The following SKAP2 variants were observed in gnomAD, a reference collection of about 807,000 sequenced individuals.
The protein encoded by SKAP2 is src kinase associated phosphoprotein 2.
Under a neutral mutation model 54.9 loss-of-function variants are expected in SKAP2, and 28 were observed. That is an observed-to-expected ratio of 0.51 (90% confidence interval 0.38 to 0.70). The LOEUF is 0.70. SKAP2 is among the 30% of genes least tolerant of loss of function. The pLI, the probability that SKAP2 is intolerant of heterozygous loss-of-function variation, is 0.00. For missense variants in SKAP2, 356 were observed against 424.1 expected (o/e 0.84, Z 1.41); for synonymous variants, 137 against 134.3 (o/e 1.02, Z -0.14).
intron 4 of SKAP2, among the ~76,000 whole-genome samples, chr7:26,805,684 G>C (rs563488708): frequency 6.6e-6 from 1 of 152,066 alleles, no homozygotes; most frequent in Non-Finnish European, 1.5e-5. Context: ...TCAAACTTTC[G>C]GATCACTGCA....
chr7:26,749,202 T>G (rs1416335217), intron 4 of SKAP2, among the ~76,000 whole-genome samples: 1 of 152,168 alleles, frequency 6.6e-6, no homozygotes, highest in Non-Finnish European at 1.5e-5. Context: ...TTACAGATAT[T>G]TGGCCAAAAA....
Position 26,725,466 on chromosome 7 carries a change from C to T in SKAP2, c.758G>A (p.Ser253Asn), listed in dbSNP as rs17154402. Residue 253 changes from serine to asparagine, a missense_variant, in exon 9 of 13, where the codon AGT becomes AAT. Physicochemically the swap from Ser to Asn is conservative, Grantham distance 46. Transcript: ENST00000345317. ...PLPISNPLTS[S>N]QPIDDEIYEE... ...ATAAATTTCATCATCTATTGGTTGA[C>T]TGCTTGTTAGTGGATTGCTTATTGG... 6.2e-7 allele frequency: 1 copy of T among 1,611,772 alleles called. No individual in the cohort carries two copies. The highest frequency in any genetic ancestry group is 2.2e-5 in the East Asian group (1 of 44,824).
rs201466806 is a variant in SKAP2, at chr7:26,681,444, AAAAC to A, written c.987+3288_987+3291del. Among the ~76,000 whole-genome samples, 829 of 152,364 alleles carry A rather than the reference AAAAC, an allele frequency of 5.4e-3. 12 individuals carry two copies. The highest frequency in any genetic ancestry group is 0.018 in the African/African-American group (755 of 41,586). Reference sequence around the variant, plus strand: ...GGGCAACAGAGTGAGACTCCATCTCAAAACAAACAAACAAACAAAAAACAAAATT... The same window carrying A: ...GGGCAACAGAGTGAGACTCCATCTCAAAACAAACAAACAAAAAACAAAATT... On this transcript the variant is annotated intron_variant, in intron 11 of 12. Coordinates refer to ENST00000345317, the MANE Select transcript of SKAP2 (RefSeq NM_003930.5).
rs1783372691 is a variant in SKAP2, at chr7:26,779,103, T to C, written c.308-39139A>G. On this transcript the variant is annotated intron_variant, in intron 4 of 12. Transcript: ENST00000345317. ...TTTTTCATAAAACAGTAATAACTGTTCTTAATTTGTGAATAGAAATGTGAA... is the reference window on the plus strand; with the variant it reads ...TTTTTCATAAAACAGTAATAACTGTCCTTAATTTGTGAATAGAAATGTGAA... Among the ~76,000 whole-genome samples the C allele has an allele frequency of 5.3e-5, 8 of 152,030 alleles. No homozygotes were observed. The South Asian group carries it at 1.7e-3, about 31-fold the overall frequency.
chr7:26,857,037 T>G (rs1785177580), intron 1 of SKAP2, among the ~76,000 whole-genome samples: 2 of 151,722 alleles, frequency 1.3e-5, no homozygotes, highest in Admixed American at 1.3e-4. Context: ...CAAACATGTT[T>G]TTAAAATACT....
intron 9 of SKAP2, among the ~76,000 whole-genome samples, chr7:26,705,795 G>A (rs926800240): frequency 1.3e-5 from 2 of 152,148 alleles, no homozygotes; most frequent in Non-Finnish European, 2.9e-5. Context: ...AACTGACAAC[G>A]TACACTCATA....
chr7:26,794,366 T>C (rs1187146081), intron 4 of SKAP2, among the ~76,000 whole-genome samples: 1 of 152,198 alleles, frequency 6.6e-6, no homozygotes, highest in East Asian at 1.9e-4. Context: ...TATACCTGAA[T>C]GTGTGTTCCA....
At chr7:26,848,537 G>A (rs1485966132) in intron 3 of SKAP2, among the ~76,000 whole-genome samples, 1 of 152,020 alleles carries the variant, frequency 6.6e-6, no homozygotes, top group Non-Finnish European at 1.5e-5. Context: ...TTATATATAT[G>A]CAAATGTCCC....
At chr7:26,745,506 A>T (rs4141345) in intron 4 of SKAP2, among the ~76,000 whole-genome samples, 20,554 of 152,230 alleles carry the variant, frequency 0.14, 1,613 homozygotes, top group African/African-American at 0.22. Flanking sequence ...GGGGAGATAG[A>T]GCTTCGTTTT....
At chr7:26,791,311 G>A (rs1783669911) in intron 4 of SKAP2, among the ~76,000 whole-genome samples, 1 of 152,044 alleles carries the variant, frequency 6.6e-6, no homozygotes, top group Non-Finnish European at 1.5e-5. Context: ...CTGGAGTGCA[G>A]TGGTGTGATC....
At chr7:26,835,419 T>G (rs1784687048) in intron 4 of SKAP2, among the ~76,000 whole-genome samples, 1 of 152,158 alleles carries the variant, frequency 6.6e-6, no homozygotes, top group African/African-American at 2.4e-5. Context: ...TGTTTGCAGA[T>G]GACATGATTG....
chr7:26,785,650 G>C (rs2127979695), intron 4 of SKAP2, among the ~76,000 whole-genome samples: 1 of 152,226 alleles, frequency 6.6e-6, no homozygotes, highest in Non-Finnish European at 1.5e-5. Flanking sequence ...CTCCAAACTT[G>C]ACAAATATAC....
At chr7:26,688,851 C>A (rs750430960) in intron 10 of SKAP2, among the ~76,000 whole-genome samples, 4 of 152,240 alleles carry the variant, frequency 2.6e-5, no homozygotes, top group Middle Eastern at 6.8e-3. Context: ...TATACCTGCA[C>A]TGAAATTTTC....
chr7:26,658,010 G>A, the SKAP2 span, among the ~76,000 whole-genome samples: 1 of 152,126 alleles, frequency 6.6e-6, no homozygotes, highest in Non-Finnish European at 1.5e-5. Flanking sequence ...ATTTGGCGGT[G>A]ATCAGAGAAA....
intron 4 of SKAP2, among the ~76,000 whole-genome samples, chr7:26,818,533 G>A (rs1277362459): frequency 6.6e-6 from 1 of 152,128 alleles, no homozygotes; most frequent in Non-Finnish European, 1.5e-5. Flanking sequence ...CAAAGTTCAT[G>A]ACTAAAACAC....
At chr7:26,799,369 A>C (rs1477261414) in intron 4 of SKAP2, among the ~76,000 whole-genome samples, 1 of 152,178 alleles carries the variant, frequency 6.6e-6, no homozygotes, top group African/African-American at 2.4e-5. Context: ...GTGATAAAAA[A>C]AGATATTTCA....
intron 4 of SKAP2, among the ~76,000 whole-genome samples, chr7:26,836,510 C>G (rs539046505): frequency 2.1e-4 from 32 of 152,244 alleles, no homozygotes; most frequent in African/African-American, 7.7e-4. Flanking sequence ...CAAACAACCC[C>G]ACCAAAAAGT....
At chr7:26,757,254 A>G (rs1039071849) in intron 4 of SKAP2, among the ~76,000 whole-genome samples, 7 of 152,248 alleles carry the variant, frequency 4.6e-5, no homozygotes, top group Middle Eastern at 3.4e-3. Flanking sequence ...GCCCATGCCT[A>G]TGTCCTGAAT....
intron 4 of SKAP2, among the ~76,000 whole-genome samples, chr7:26,820,999 A>G (rs937617165): frequency 2.0e-5 from 3 of 152,184 alleles, no homozygotes; most frequent in Non-Finnish European, 4.4e-5. Context: ...ACAGAAAATA[A>G]TTTGTTCAAA....
Sources: gnomAD v4.1 joint callset for allele counts (sites outside exome capture counted in the v4.1 genomes callset) on GRCh38, gnomAD v4.1.1 for gene constraint, MANE v1.5 for transcripts, NCBI Gene and HGNC (gene_info 2026-07-23, HGNC 2026-07-21) for gene names.